PCDHA3: variants seen among roughly 807,000 people sequenced by gnomAD.
PCDHA3 encodes the protein protocadherin alpha 3.
A neutral mutation model predicts 62.2 loss-of-function variants in PCDHA3; 41 were observed. That is an observed-to-expected ratio of 0.66 (90% CI 0.51 to 0.86). The LOEUF (loss-of-function observed/expected upper bound fraction) is 0.86. PCDHA3 is among the 40% of genes least tolerant of loss of function. The pLI is 0.00. For synonymous variants in PCDHA3, 640 were observed against 555.4 expected, an observed-to-expected ratio of 1.15 and a Z score of -2.14; for missense variants, 1,304 against 1,241.2, an observed-to-expected ratio of 1.05 and a Z score of -0.76.
At chr5:140,922,735 G>A (rs1370700616) in intron 1 of PCDHA3, among the ~76,000 whole-genome samples, 2 of 152,078 alleles carry the variant, frequency 1.3e-5, no homozygotes, top group Admixed American at 1.3e-4. Flanking sequence ...ACAAGGTTGA[G>A]AAAAATAAAT....
rs782776274 is a variant in PCDHA3 at position 140,802,043 on chromosome 5, T to C, written c.846T>C (p.Asn282=). Residue 282 remains asparagine, a synonymous_variant, in exon 1 of 4, where the codon AAT becomes AAC. Coordinates refer to ENST00000522353, the MANE Select transcript of PCDHA3 (RefSeq NM_018906.3). ...GVNKDIAYSF[N]TDMSADILSK... Reference sequence around the variant, plus strand: ...ATAAGGATATCGCGTATTCTTTCAATACGGACATGTCAGCAGATATTCTGT... The same window carrying C: ...ATAAGGATATCGCGTATTCTTTCAACACGGACATGTCAGCAGATATTCTGT... 6.2e-7 allele frequency: 1 copy of C among 1,614,190 alleles called. No homozygotes were observed. The highest frequency in any genetic ancestry group is 2.2e-5 in the East Asian group (1 of 44,884).
At chr5:140,831,516 C>A (rs2150195447) in intron 1 of PCDHA3, among the ~76,000 whole-genome samples, 3 of 130,566 alleles carry the variant, frequency 2.3e-5, no homozygotes, top group East Asian at 4.4e-4. Context: ...ACCATGCCCC[C>A]CACCTTTTTT....
chr5:140,802,648 C>G lies in PCDHA3; in HGVS notation c.1451C>G (p.Ala484Gly). ...ACGGTGTCTGCGCGGGACGCGGACG[C>G]GCAGGAGAACGCCCTGGTGTCCTAC... ...IFTVSARDAD[A>G]QENALVSYSL... The change falls in exon 1 of 4, where the codon GCG becomes GGG. Residue 484 changes from alanine to glycine, a missense_variant. By Grantham distance (60) the Ala-to-Gly change is moderately conservative. Transcript: ENST00000522353. 1 of 1,613,666 alleles carries G rather than the reference C, an allele frequency of 6.2e-7. No individual in the cohort carries two copies. Among genetic ancestry groups the G allele is most frequent in the Non-Finnish European group, 8.5e-7 (1 of 1,179,872 alleles).
chr5:140,827,875 C>T (rs538155297), intron 1 of PCDHA3: 1 of 643,830 alleles, frequency 1.6e-6, no homozygotes, highest in Non-Finnish European at 2.7e-6. Flanking sequence ...AGCACTGTTA[C>T]GTGAATTGAT....
intron 1 of PCDHA3, among the ~76,000 whole-genome samples, chr5:140,970,714 A>C (rs1554232672): frequency 6.6e-6 from 1 of 152,220 alleles, no homozygotes; most frequent in Non-Finnish European, 1.5e-5. Flanking sequence ...CAATGTGTGA[A>C]CAATATTTGT....
rs2092672361 is a variant in PCDHA3, at chr5:140,940,726, G to A, written c.2395-38223G>A. On this transcript the variant is annotated intron_variant, in intron 1 of 3. Coordinates refer to ENST00000522353, the MANE Select transcript of PCDHA3 (RefSeq NM_018906.3). Reference sequence around the variant, plus strand: ...ATACCTGCTGTGTGCTGTTTCAGCTGGACAGCTCCATATTTTTATGTGTGC... The same window carrying A: ...ATACCTGCTGTGTGCTGTTTCAGCTAGACAGCTCCATATTTTTATGTGTGC... 3.9e-5 allele frequency among the ~76,000 whole-genome samples: 6 copies of A among 152,124 alleles called. No homozygotes were observed. The South Asian group carries it at 1.2e-3, about 31-fold the overall frequency.
intron 1 of PCDHA3, chr5:140,808,306 C>T (rs1210807010): frequency 8.1e-6 from 13 of 1,614,136 alleles, no homozygotes; most frequent in South Asian, 1.1e-5. Flanking sequence ...CCCTGATCAG[C>T]GTGTCCGACA....
At chr5:140,848,565 T>C (rs2150412911) in intron 1 of PCDHA3, 2 of 1,595,404 alleles carry the variant, frequency 1.3e-6, no homozygotes, top group African/African-American at 1.3e-5. Flanking sequence ...CCTCGCAATG[T>C]GGGTGGTGGG....
chr5:140,895,822 T>A (rs1353175200), intron 1 of PCDHA3, among the ~76,000 whole-genome samples: 1 of 152,084 alleles, frequency 6.6e-6, no homozygotes, highest in Non-Finnish European at 1.5e-5. Context: ...TTGTATTGTA[T>A]TTTTTTCAGA....
At chr5:140,829,309 G>C (rs2150165707) in intron 1 of PCDHA3, 8 of 1,614,134 alleles carry the variant, frequency 5.0e-6, no homozygotes, top group Non-Finnish European at 6.8e-6. Flanking sequence ...ATTACTACTC[G>C]TTGGTGCTGG....
intron 1 of PCDHA3, among the ~76,000 whole-genome samples, chr5:140,947,108 T>G (rs1419361342): frequency 6.6e-6 from 1 of 151,486 alleles, no homozygotes; most frequent in East Asian, 1.9e-4. Context: ...AATAGGTACG[T>G]GTCAATTAAA....
intron 1 of PCDHA3, chr5:140,968,831 C>T (rs1469537973): frequency 1.2e-6 from 2 of 1,614,020 alleles, no homozygotes; most frequent in Non-Finnish European, 8.5e-7. Flanking sequence ...CAAAATCCTC[C>T]CTGACACTCA....
chr5:140,863,024 C>G (rs563115859), intron 1 of PCDHA3: 7 of 555,234 alleles, frequency 1.3e-5, no homozygotes, highest in Non-Finnish European at 2.1e-5. Flanking sequence ...CTGGTTGTCG[C>G]AACAGCTGCA....
intron 1 of PCDHA3, chr5:140,810,260 C>G (rs1478886173): frequency 6.6e-6 from 1 of 152,084 alleles, no homozygotes; most frequent in Non-Finnish European, 1.5e-5. Flanking sequence ...TGCATTGTGC[C>G]TCAATGTCTA....
intron 1 of PCDHA3, among the ~76,000 whole-genome samples, chr5:140,892,982 A>G (rs1430280813): frequency 2.0e-5 from 3 of 152,238 alleles, no homozygotes; most frequent in Non-Finnish European, 4.4e-5. Context: ...TAGCTGCCGT[A>G]TAAGTGAGAA....
intron 3 of PCDHA3, among the ~76,000 whole-genome samples, chr5:141,005,308 T>TA (rs2098205734): frequency 6.6e-6 from 1 of 152,214 alleles, no homozygotes; most frequent in Non-Finnish European, 1.5e-5. Context: ...TTGTGAATCT[T>TA]ACAGTGGTAG....
rs112991614 is a variant in PCDHA3, at chr5:140,829,474, A to G, written c.2394+25883A>G. 3.3e-3 allele frequency: 5,348 copies of G among 1,613,788 alleles called. 124 individuals carry two copies. In the African/African-American group the frequency reaches 0.055, roughly 17 times the overall value. On this transcript the variant is annotated intron_variant, in intron 1 of 3. Transcript: ENST00000522353. ...CGGCGTTCGCGCAGCCCGAGTACAC[A>G]GTGTTCGTGAAGGAGAACAACCCGC...
At chr5:140,918,348 G>A (rs1184826451) in intron 1 of PCDHA3, among the ~76,000 whole-genome samples, 1 of 152,138 alleles carries the variant, frequency 6.6e-6, no homozygotes, top group Non-Finnish European at 1.5e-5. Context: ...GAGATAGGTT[G>A]ACTTCCTCTC....
intron 1 of PCDHA3, among the ~76,000 whole-genome samples, chr5:140,976,876 G>A (rs1166300025): frequency 6.6e-6 from 1 of 152,160 alleles, no homozygotes; most frequent in Non-Finnish European, 1.5e-5. Flanking sequence ...GACAAAGAAA[G>A]AATTAGGATA....
Sources: gnomAD v4.1 joint callset for allele counts (sites outside exome capture counted in the v4.1 genomes callset) on GRCh38, gnomAD v4.1.1 for gene constraint, MANE v1.5 for transcripts, NCBI Gene and HGNC (gene_info 2026-07-23, HGNC 2026-07-21) for gene names.